Variants in CLSTN2 observed in about 807,000 individuals in gnomAD.
CLSTN2 encodes calsyntenin 2.
Under a neutral mutation model 101.2 loss-of-function variants are expected in CLSTN2, and 48 were observed. That is an observed-to-expected ratio of 0.47 (90% confidence interval 0.38 to 0.60). The LOEUF (loss-of-function observed/expected upper bound fraction) is 0.60. Among genes scored for constraint, CLSTN2 ranks in the 20% least tolerant of loss-of-function variants. CLSTN2 has a pLI of 0.00. For synonymous variants in CLSTN2, 481 were observed against 463.6 expected (o/e 1.04, Z -0.48); for missense variants, 1,160 against 1,238.2 (o/e 0.94, Z 0.95).
chr3:140,335,526 C>T (rs2087431520), intron 2 of CLSTN2, among the ~76,000 whole-genome samples: 1 of 151,728 alleles, frequency 6.6e-6, no homozygotes, highest in Middle Eastern at 3.2e-3. Context: ...CACAGTGCAG[C>T]CCCCAGTTCT....
chr3:140,377,959 T>C (rs2087935142), intron 2 of CLSTN2, among the ~76,000 whole-genome samples: 1 of 152,202 alleles, frequency 6.6e-6, no homozygotes, highest in Non-Finnish European at 1.5e-5. Context: ...TAAAAAAATC[T>C]TTTACACCAT....
Position 140,546,659 on chromosome 3 carries a change from A to G in CLSTN2, c.1652A>G (p.Glu551Gly). 6.2e-7 allele frequency: 1 copy of G among 1,613,236 alleles called. No homozygotes were observed. The change falls in exon 10 of 17, where the codon GAA (glutamate) becomes GGA (glycine). Residue 551 changes from glutamate to glycine, a missense_variant. Glu to Gly is a moderately conservative substitution (Grantham distance 98). Transcript: ENST00000458420. Reference protein sequence around the residue: ...CKEGLDINSLESLGQGIKYHF... With the variant: ...CKEGLDINSLGSLGQGIKYHF... ...GAAGGGCTGGACATTAATTCCTTGG[A>G]AAGCCTTGGCCAAGGAATAAAGGTA...
At chr3:139,965,917 G>A (rs899668163) in intron 1 of CLSTN2, among the ~76,000 whole-genome samples, 2 of 152,166 alleles carry the variant, frequency 1.3e-5, no homozygotes, top group African/African-American at 4.8e-5. Context: ...CCGTCAACCC[G>A]TTAGATGGTG....
At chr3:139,991,209 C>T (rs1368670301) in intron 1 of CLSTN2, among the ~76,000 whole-genome samples, 2 of 152,174 alleles carry the variant, frequency 1.3e-5, no homozygotes, top group Admixed American at 6.5e-5. Context: ...GAATGCAGTG[C>T]TATTTTATAC....
Position 140,446,868 on chromosome 3 carries a change from G to T in CLSTN2, c.788-1651G>T, listed in dbSNP as rs144610967. 8.6e-3 allele frequency among the ~76,000 whole-genome samples: 1,304 copies of T among 152,280 alleles called. 7 individuals carry two copies. The highest frequency in any genetic ancestry group is 0.013 in the Non-Finnish European group (909 of 68,026). ...CCTTTCATAGCACTTACTCCTTTCT[G>T]TTAGAGCAGCACAGGCTTATTCATC... On this transcript the variant is annotated intron_variant, in intron 5 of 16. Coordinates refer to ENST00000458420, the MANE Select transcript of CLSTN2 (RefSeq NM_022131.3).
At chr3:139,990,326 G>C (rs1372615739) in intron 1 of CLSTN2, among the ~76,000 whole-genome samples, 1 of 152,168 alleles carries the variant, frequency 6.6e-6, no homozygotes, top group African/African-American at 2.4e-5. Context: ...GTAGGTGGGA[G>C]CACTCTGTGG....
rs180984410 is a variant in CLSTN2 at position 140,253,812 on chromosome 3, T to C, written c.232+77739T>C. ...TTACAGTTACAGTACCATCCAGATA[T>C]GGTTCTTGCCATTTAGTCCTCTAAG... On this transcript the variant is annotated intron_variant, in intron 2 of 16. Coordinates refer to ENST00000458420, the MANE Select transcript of CLSTN2 (RefSeq NM_022131.3). Among the ~76,000 whole-genome samples the C allele has an allele frequency of 2.9e-3, 444 of 152,160 alleles. 6 individuals carry two copies. The highest frequency in any genetic ancestry group is 0.024 in the Admixed American group (372 of 15,270).
At chr3:140,043,810 G>A (rs918042039) in intron 1 of CLSTN2, among the ~76,000 whole-genome samples, 2 of 152,050 alleles carry the variant, frequency 1.3e-5, no homozygotes, top group Non-Finnish European at 2.9e-5. Flanking sequence ...GTTTTTGTCA[G>A]GTTTGTCAAA....
intron 6 of CLSTN2, among the ~76,000 whole-genome samples, chr3:140,459,148 C>T (rs1933491531): frequency 6.6e-6 from 1 of 152,184 alleles, no homozygotes; most frequent in South Asian, 2.1e-4. Context: ...GGCAGGTTAA[C>T]AGATGGATAG....
intron 1 of CLSTN2, among the ~76,000 whole-genome samples, chr3:139,939,526 G>A (rs116252212): frequency 0.012 from 1,832 of 152,294 alleles, 36 homozygotes; most frequent in African/African-American, 0.04. Flanking sequence ...AGCCCTTGTG[G>A]TCCTGCCCAC....
At position 140,344,337 on chromosome 3, in the gene CLSTN2, G is replaced by T. The variant is rs779818371; in HGVS notation, c.233-59292G>T. Reference sequence around the variant, plus strand: ...ACAGAGGACAGGGCTGACTGCACAAGCACACATTAAGCCTGTGCTCACGTC... The same window carrying T: ...ACAGAGGACAGGGCTGACTGCACAATCACACATTAAGCCTGTGCTCACGTC... On this transcript the variant is annotated intron_variant, in intron 2 of 16. Transcript: ENST00000458420. Among the ~76,000 whole-genome samples, 28 of 152,190 alleles carry T rather than the reference G, an allele frequency of 1.8e-4. 1 individual carries two copies. The highest frequency in any genetic ancestry group is 1.9e-4 in the Non-Finnish European group (13 of 68,036).
chr3:140,102,799 A>G (rs1256215502), intron 1 of CLSTN2, among the ~76,000 whole-genome samples: 2 of 152,226 alleles, frequency 1.3e-5, no homozygotes, highest in Non-Finnish European at 2.9e-5. Context: ...CATGATGACC[A>G]GTAGTTGAAA....
In CLSTN2 at chr3:140,076,625, G is replaced by GTTTTTTTTTTTTTTTTTTTT. The variant is rs35645750; in HGVS notation, c.110-99317_110-99298dup. Among the ~76,000 whole-genome samples, 10 of 38,070 alleles carry GTTTTTTTTTTTTTTTTTTTT rather than the reference G, an allele frequency of 2.6e-4. 2 individuals carry two copies. Among genetic ancestry groups the GTTTTTTTTTTTTTTTTTTTT allele is most frequent in the African/African-American group, 1.0e-3 (9 of 8,918 alleles). The allele number at this position is 38,070 out of a possible 152,430, so 25.0% of individuals were successfully genotyped here. ...CAATGACTCCCCTCTCACCAGCAGT[G>GTTTTTTTTTTTTTTTTTTTT]TTTTTTTTTTTTTTTTTTTTTTTTT... On this transcript the variant is annotated intron_variant, in intron 1 of 16. Coordinates refer to ENST00000458420, the MANE Select transcript of CLSTN2 (RefSeq NM_022131.3).
At chr3:140,560,758 G>A (rs1056156147) in intron 12 of CLSTN2, among the ~76,000 whole-genome samples, 2 of 152,120 alleles carry the variant, frequency 1.3e-5, no homozygotes, top group Non-Finnish European at 2.9e-5. Flanking sequence ...GGAGCTCTCA[G>A]TCAGCCACAG....
chr3:140,192,746 A>G (rs957944799), intron 2 of CLSTN2, among the ~76,000 whole-genome samples: 13 of 150,934 alleles, frequency 8.6e-5, no homozygotes, highest in Middle Eastern at 6.8e-3. Flanking sequence ...TTTTCAATCT[A>G]CTCTGCTGAG....
rs1559908825 is a variant in CLSTN2 at position 140,571,404 on chromosome 3, C to CA, written c.*5157dup. On this transcript the variant is annotated 3_prime_UTR_variant, in exon 17 of 17. Coordinates refer to ENST00000458420, the MANE Select transcript of CLSTN2 (RefSeq NM_022131.3). ...ATTTAAATTAACCAAATAGTTTTTACAAAAAAGTAGGTAAGTGGGTTTAAT... is the reference window on the plus strand; with the variant it reads ...ATTTAAATTAACCAAATAGTTTTTACAAAAAAAGTAGGTAAGTGGGTTTAAT... 6.6e-6 allele frequency: 1 copy of CA among 151,976 alleles called. No homozygotes were observed. Among genetic ancestry groups the CA allele is most frequent in the African/African-American group, 2.4e-5 (1 of 41,370 alleles). 9.4% of individuals were successfully genotyped at this position (151,976 alleles called of 1,614,324 possible). A position where few individuals can be genotyped will look rare whatever the true frequency, so the allele number is the denominator to read the frequency against.
chr3:140,086,590 G>A (rs769738508), intron 1 of CLSTN2, among the ~76,000 whole-genome samples: 4 of 152,210 alleles, frequency 2.6e-5, no homozygotes, highest in Non-Finnish European at 4.4e-5. Context: ...TCCAACAGGA[G>A]TTAAAGTTCA....
intron 2 of CLSTN2, among the ~76,000 whole-genome samples, chr3:140,220,513 G>T (rs1480962077): frequency 6.6e-6 from 1 of 152,154 alleles, no homozygotes; most frequent in Admixed American, 6.5e-5. Flanking sequence ...AGGCATCCTT[G>T]CCTGGGCAGC....
chr3:140,051,068 G>C (rs114010638), intron 1 of CLSTN2, among the ~76,000 whole-genome samples: 2,320 of 152,318 alleles, frequency 0.015, 56 homozygotes, highest in African/African-American at 0.051. Context: ...GGGCCCGGGG[G>C]CTGGCCTGCC....
Sources: allele counts gnomAD v4.1 joint callset (sites outside exome capture counted in the v4.1 genomes callset), GRCh38; gene constraint gnomAD v4.1.1; transcripts MANE v1.5; gene names NCBI Gene and HGNC (gene_info 2026-07-23, HGNC 2026-07-21).